The following KPNA7 variants were observed in gnomAD, a reference collection of about 807,000 sequenced individuals.
KPNA7 encodes karyopherin subunit alpha 7.
Under a neutral mutation model 53.7 loss-of-function variants are expected in KPNA7, and 54 were observed. That is an observed-to-expected ratio of 1.01 (90% CI 0.81 to 1.26). The LOEUF is 1.26. Ranked by LOEUF, KPNA7 falls within the 50% of genes most tolerant of loss-of-function variation. The pLI is 0.00. For synonymous variants in KPNA7, 276 were observed against 259.3 expected (o/e 1.06, Z -0.62); for missense variants, 640 against 644.5 (o/e 0.99, Z 0.07).
chr7:99,163,357 GTGTA>G, the KPNA7 span, among the ~76,000 whole-genome samples: 4 of 65,816 alleles, frequency 6.1e-5, no homozygotes, highest in African/African-American at 2.3e-4. Context: ...ATATGAGTGT[GTGTA>G]TATATATATA....
intron 2 of KPNA7, among the ~76,000 whole-genome samples, chr7:99,206,272 T>C (rs930246243): frequency 1.3e-5 from 2 of 152,120 alleles, no homozygotes; most frequent in African/African-American, 2.4e-5. Flanking sequence ...GCAGTTCTCC[T>C]GCTTCAGCCT....
At chr7:99,158,620 C>T in the KPNA7 span, among the ~76,000 whole-genome samples, 9 of 152,060 alleles carry the variant, frequency 5.9e-5, no homozygotes, top group Non-Finnish European at 1.3e-4. Context: ...TCTCATGCCT[C>T]ACCCTCCTGA....
downstream of KPNA7, among the ~76,000 whole-genome samples, chr7:99,171,380 C>T (rs916217695): frequency 2.0e-4 from 31 of 152,184 alleles, no homozygotes; most frequent in Admixed American, 7.2e-4. Context: ...GCAGCAGGAT[C>T]GCTTGATCCC....
At chr7:99,177,879 C>G (rs1308878055) in intron 10 of KPNA7, 41 bp downstream of exon 10, 3 of 1,546,960 alleles carry the variant, frequency 1.9e-6, no homozygotes, top group South Asian at 2.4e-5. Context: ...GCTGCCCCAC[C>G]AAGACCCCTG....
At chr7:99,196,005 A>G in intron 4 of KPNA7, 79 bp downstream of exon 4, 1 of 1,185,740 alleles carries the variant, frequency 8.4e-7, no homozygotes, top group Non-Finnish European at 1.2e-6. Context: ...GAAACCAAAT[A>G]GGCCACCGGC....
At chr7:99,165,302 TAA>T in the KPNA7 span, among the ~76,000 whole-genome samples, 410 of 145,102 alleles carry the variant, frequency 2.8e-3, no homozygotes, top group Middle Eastern at 3.5e-3. Context: ...CTTGCCTTTT[TAA>T]AAAAAAAAAA....
the KPNA7 span, among the ~76,000 whole-genome samples, chr7:99,165,388 G>A: frequency 6.6e-6 from 1 of 151,818 alleles, no homozygotes; most frequent in Admixed American, 6.6e-5. Context: ...AGGAAAGAGG[G>A]TACAGAGTCT....
rs74594117 is a variant in KPNA7, at chr7:99,175,398, G to A, written c.1465-1604C>T. Among the ~76,000 whole-genome samples the A allele has an allele frequency of 2.3e-3, 354 of 151,858 alleles. 1 individual carries two copies. The highest frequency in any genetic ancestry group is 8.3e-3 in the African/African-American group (345 of 41,396). On this transcript the variant is annotated intron_variant, in intron 10 of 10. Coordinates refer to ENST00000327442, the MANE Select transcript of KPNA7 (RefSeq NM_001145715.3). The stretch of plus-strand genomic sequence containing the variant: ...TCACTGTGTTGCCCAGGCTGGTCTC[G>A]GAGCTCCTGGACTCAAGCAATCCAC...
chr7:99,197,257 C>T (rs960258619), intron 3 of KPNA7, among the ~76,000 whole-genome samples: 1 of 152,142 alleles, frequency 6.6e-6, no homozygotes, highest in Non-Finnish European at 1.5e-5. Flanking sequence ...GACCACTGAG[C>T]AAACCAAGCA....
At chr7:99,209,178 A>G (rs1790971763), upstream of KPNA7, among the ~76,000 whole-genome samples, 1 of 151,982 alleles carries the variant, frequency 6.6e-6, no homozygotes, top group Non-Finnish European at 1.5e-5. Context: ...GAAGGCTTTC[A>G]CACGGTGTGT....
chr7:99,183,616 C>A (rs73709603), intron 8 of KPNA7, among the ~76,000 whole-genome samples: 7,571 of 152,138 alleles, frequency 0.05, 237 homozygotes, highest in East Asian at 0.16. Context: ...CTTGTCATAC[C>A]TGGTGCATCC....
chr7:99,153,549 CAA>C, the KPNA7 span, among the ~76,000 whole-genome samples: 1,765 of 117,572 alleles, frequency 0.015, 34 homozygotes, highest in African/African-American at 0.049. Flanking sequence ...GACACTGTCT[CAA>C]AAAAAAAAAA....
At chr7:99,166,137 G>T in the KPNA7 span, among the ~76,000 whole-genome samples, 1 of 152,038 alleles carries the variant, frequency 6.6e-6, no homozygotes, top group Non-Finnish European at 1.5e-5. Context: ...ACAGAATCAT[G>T]AGCCAATTAA....
chr7:99,198,338 C>T (rs1266003441), intron 3 of KPNA7, among the ~76,000 whole-genome samples: 1 of 152,028 alleles, frequency 6.6e-6, no homozygotes, highest in East Asian at 1.9e-4. Context: ...AAAGTATAAG[C>T]TAATATCCCT....
chr7:99,180,582 C>A (rs1394107207), intron 9 of KPNA7, among the ~76,000 whole-genome samples: 1 of 137,782 alleles, frequency 7.3e-6, no homozygotes, highest in South Asian at 2.4e-4. Context: ...TGTCTCTGTC[C>A]ATCTCTCCGT....
the KPNA7 span, among the ~76,000 whole-genome samples, chr7:99,159,838 C>T: frequency 6.6e-6 from 1 of 151,956 alleles, no homozygotes; most frequent in Non-Finnish European, 1.5e-5. Context: ...AAATGAGGCC[C>T]ACTCTGGTTA....
the KPNA7 span, among the ~76,000 whole-genome samples, chr7:99,163,383 A>ATATATTTTTTTTTTT: frequency 2.5e-5 from 1 of 40,804 alleles, no homozygotes; most frequent in East Asian, 7.6e-4. Flanking sequence ...ATATATATAT[A>ATATATTTTTTTTTTT]TTTTTTTTTT....
chr7:99,217,619 C>CTTTTT lies in KPNA7; in HGVS notation c.-23-10135_-23-10131dup, dbSNP rs10616354. 9.5e-4 allele frequency among the ~76,000 whole-genome samples: 38 copies of CTTTTT among 39,848 alleles called. 7 individuals carry two copies. Among genetic ancestry groups the CTTTTT allele is most frequent in the African/African-American group, 4.0e-3 (37 of 9,136 alleles). The allele number at this position is 39,848 out of a possible 152,430, so 26.1% of individuals were successfully genotyped here. A position where few individuals can be genotyped will look rare whatever the true frequency, so the allele number is the denominator to read the frequency against. ...CCCAGGAACGGGGACTCCACCTTGC[C>CTTTTT]TTTTTTTTTTTTTTTTTTTTTTTTT... On this transcript the variant is annotated intron_variant, in intron 1 of 10. Transcript: ENST00000681060.
chr7:99,178,443 C>T (rs1799004754), intron 9 of KPNA7, among the ~76,000 whole-genome samples: 1 of 151,906 alleles, frequency 6.6e-6, no homozygotes, highest in African/African-American at 2.4e-5. Flanking sequence ...GTGGCAGGTG[C>T]CTGTAATTCC....
Sources: allele counts gnomAD v4.1 joint callset (sites outside exome capture counted in the v4.1 genomes callset), GRCh38; gene constraint gnomAD v4.1.1; transcripts MANE v1.5; gene names NCBI Gene and HGNC (gene_info 2026-07-23, HGNC 2026-07-21).